FTCDNL1: variants seen among roughly 807,000 people sequenced by gnomAD.
FTCDNL1 encodes the protein formiminotransferase N-terminal subdomain-containing protein.
FTCDNL1 carries 11 observed loss-of-function variants against 5.9 expected under a neutral mutation model. The observed-to-expected ratio is 1.87, with a 90% CI of 1.18 to 3.10. The LOEUF (loss-of-function observed/expected upper bound fraction) is 3.10, where lower values mean the gene tolerates loss of function less well. FTCDNL1 is among the 30% of genes most tolerant of loss of function. FTCDNL1 has a pLI of 0.00. For synonymous variants in FTCDNL1, 58 were observed against 24.8 expected, an observed-to-expected ratio of 2.34 and a Z score of -3.99; for missense variants, 115 against 65.5, an observed-to-expected ratio of 1.76 and a Z score of -2.61.
the FTCDNL1 span, among the ~76,000 whole-genome samples, chr2:199,717,366 C>T: frequency 6.6e-6 from 1 of 152,078 alleles, no homozygotes; most frequent in African/African-American, 2.4e-5. Context: ...CAGTAATTTT[C>T]ATGTTCATCC....
At chr2:199,795,206 T>C (rs1700113229) in intron 3 of FTCDNL1, among the ~76,000 whole-genome samples, 1 of 152,242 alleles carries the variant, frequency 6.6e-6, no homozygotes, top group Non-Finnish European at 1.5e-5. Flanking sequence ...TGGCACTGAC[T>C]GGAGAATAAG....
intron 3 of FTCDNL1, among the ~76,000 whole-genome samples, chr2:199,769,349 TCTA>T (rs1698692103): frequency 6.6e-6 from 1 of 152,096 alleles, no homozygotes; most frequent in African/African-American, 2.4e-5. Context: ...CCCTTACTGT[TCTA>T]CTAGTCAATA....
At chr2:199,849,955 G>A (rs1559257638) in intron 1 of FTCDNL1, among the ~76,000 whole-genome samples, 1 of 152,182 alleles carries the variant, frequency 6.6e-6, no homozygotes, top group East Asian at 1.9e-4. Context: ...CTGTGTGAGG[G>A]ATACCAACCA....
chr2:199,838,294 T>C (rs1702897475), intron 3 of FTCDNL1, among the ~76,000 whole-genome samples: 1 of 152,180 alleles, frequency 6.6e-6, no homozygotes, highest in South Asian at 2.1e-4. Context: ...AATTTACCAA[T>C]GATTCCAAGT....
the FTCDNL1 span, among the ~76,000 whole-genome samples, chr2:199,729,651 T>C: frequency 1.3e-5 from 2 of 152,166 alleles, no homozygotes; most frequent in African/African-American, 2.4e-5. Context: ...ACAAGGGATG[T>C]GAAGGACCTC....
intron 3 of FTCDNL1, among the ~76,000 whole-genome samples, chr2:199,764,715 A>T (rs1308858471): frequency 6.6e-6 from 1 of 152,214 alleles, no homozygotes; most frequent in Non-Finnish European, 1.5e-5. Flanking sequence ...CCGGAGCAGA[A>T]TTACTAGAAT....
the FTCDNL1 span, among the ~76,000 whole-genome samples, chr2:199,749,160 T>C: frequency 6.6e-6 from 1 of 152,220 alleles, no homozygotes; most frequent in African/African-American, 2.4e-5. Context: ...GGAAGGGGCA[T>C]CTTCATCACC....
the FTCDNL1 span, among the ~76,000 whole-genome samples, chr2:199,704,039 C>T: frequency 4.6e-3 from 696 of 152,142 alleles, 6 homozygotes; most frequent in African/African-American, 0.016. Context: ...GTTTTTCTGA[C>T]GGCCCCTCAG....
intron 3 of FTCDNL1, among the ~76,000 whole-genome samples, chr2:199,762,272 A>G (rs1489176484): frequency 6.6e-6 from 1 of 152,124 alleles, no homozygotes; most frequent in Admixed American, 6.5e-5. Context: ...CCAGCTACTC[A>G]GGAGGCTGAG....
At chr2:199,751,789 G>A in the FTCDNL1 span, among the ~76,000 whole-genome samples, 2 of 151,496 alleles carry the variant, frequency 1.3e-5, no homozygotes, top group African/African-American at 4.9e-5. Context: ...TGACTAGTAG[G>A]TGAAAAGCTT....
At chr2:199,700,169 G>A in the FTCDNL1 span, among the ~76,000 whole-genome samples, 1 of 152,060 alleles carries the variant, frequency 6.6e-6, no homozygotes, top group Non-Finnish European at 1.5e-5. Context: ...TCTGCCCAAA[G>A]GCTCCTAGAT....
At chr2:199,776,814 ATGTG>A (rs1215131532) in intron 3 of FTCDNL1, among the ~76,000 whole-genome samples, 2 of 152,010 alleles carry the variant, frequency 1.3e-5, no homozygotes, top group Non-Finnish European at 1.5e-5. Context: ...AATGAATAGG[ATGTG>A]TGTGTATGAT....
chr2:199,694,359 T>C, the FTCDNL1 span, among the ~76,000 whole-genome samples: 3 of 152,230 alleles, frequency 2.0e-5, no homozygotes, highest in Admixed American at 1.3e-4. Flanking sequence ...GCTCCAGTTA[T>C]TAGCTACAAT....
chr2:199,715,474 A>G, the FTCDNL1 span, among the ~76,000 whole-genome samples: 1 of 152,174 alleles, frequency 6.6e-6, no homozygotes. Flanking sequence ...CTTGCCTGCC[A>G]CCACGTAAGA....
chr2:199,730,957 T>C, the FTCDNL1 span, among the ~76,000 whole-genome samples: 1 of 152,184 alleles, frequency 6.6e-6, no homozygotes, highest in Non-Finnish European at 1.5e-5. Context: ...TGCCCATCAG[T>C]GATAGACTGG....
At chr2:199,700,416 CAAAA>C in the FTCDNL1 span, among the ~76,000 whole-genome samples, 1 of 152,018 alleles carries the variant, frequency 6.6e-6, no homozygotes, top group African/African-American at 2.4e-5. Flanking sequence ...AACAAACAAA[CAAAA>C]AGCACTCCAT....
chr2:199,768,169 T>C (rs911636946), intron 3 of FTCDNL1, among the ~76,000 whole-genome samples: 5 of 152,250 alleles, frequency 3.3e-5, no homozygotes, highest in Non-Finnish European at 4.4e-5. Flanking sequence ...GAATTAATTA[T>C]ACTGATTCCA....
At chr2:199,821,175 A>G (rs1485558682) in intron 3 of FTCDNL1, among the ~76,000 whole-genome samples, 3 of 152,054 alleles carry the variant, frequency 2.0e-5, no homozygotes, top group Non-Finnish European at 2.9e-5. Context: ...TTTGAGATGG[A>G]GTCTCGCTCT....
At chr2:199,842,608 T>C (rs1390429449) in intron 3 of FTCDNL1, among the ~76,000 whole-genome samples, 1 of 152,204 alleles carries the variant, frequency 6.6e-6, no homozygotes, top group African/African-American at 2.4e-5. Flanking sequence ...GGACCCACTT[T>C]AAGAACCTCA....
Sources: gnomAD v4.1 joint callset for allele counts (sites outside exome capture counted in the v4.1 genomes callset) on GRCh38, gnomAD v4.1.1 for gene constraint, MANE v1.5 for transcripts, NCBI Gene and HGNC (gene_info 2026-07-23, HGNC 2026-07-21) for gene names.